The following PIK3CA variants were observed in gnomAD, a reference collection of about 807,000 sequenced individuals.
The protein encoded by PIK3CA is phosphatidylinositol 4,5-bisphosphate 3-kinase catalytic subunit alpha isoform.
PIK3CA carries 27 observed loss-of-function variants against 138.2 expected under a neutral mutation model. That is an observed-to-expected ratio of 0.20 (90% CI 0.14 to 0.27). The LOEUF is 0.27. Ranked by LOEUF, PIK3CA falls within the 10% of genes least tolerant of loss-of-function variation. The pLI, the probability that PIK3CA is intolerant of heterozygous loss-of-function variation, is 1.00. For synonymous variants in PIK3CA, 358 were observed against 413.2 expected (o/e 0.87, Z 1.62); for missense variants, 544 against 1,277.4 (o/e 0.43, Z 8.75).
chr3:179,149,450 G>C (rs1427421026), intron 1 of PIK3CA: 1 of 152,168 alleles, frequency 6.6e-6, no homozygotes, highest in Non-Finnish European at 1.5e-5. Flanking sequence ...CGTGTTACCA[G>C]ACTTGGGAAT....
chr3:179,197,544 A>G (rs771271856), intron 1 of PIK3CA, among the ~76,000 whole-genome samples: 13 of 152,362 alleles, frequency 8.5e-5, no homozygotes, highest in Admixed American at 2.0e-4. Flanking sequence ...GGCAAGGGCC[A>G]TGTCTATCTT....
chr3:179,219,489 G>A lies in PIK3CA; in HGVS notation c.1747-82G>A, dbSNP rs1322696087. ...TTTATCTAAACTAATTTTAAAATCA[G>A]AAGTTAAGGCAGTGTTTTAGATGGC... On this transcript the variant is annotated intron_variant, in intron 11 of 20. Coordinates refer to ENST00000263967, the MANE Select transcript of PIK3CA (RefSeq NM_006218.4). The surrounding 1 kb of genome is among the most constrained non-coding windows in gnomAD (Gnocchi z 4.2). 1.4e-6 allele frequency: 1 copy of A among 690,346 alleles called. No homozygotes were observed. The highest frequency in any genetic ancestry group is 2.5e-6 in the Non-Finnish European group (1 of 404,706). 42.8% of individuals were successfully genotyped at this position (690,346 alleles called of 1,614,324 possible).
intron 1 of PIK3CA, among the ~76,000 whole-genome samples, chr3:179,193,904 C>T (rs923519695): frequency 2.6e-5 from 4 of 152,076 alleles, no homozygotes; most frequent in African/African-American, 9.7e-5. Context: ...GACCTCAAAC[C>T]TCCAAGCTAC....
chr3:179,233,247 T>C, intron 20 of PIK3CA: 1 of 398,114 alleles, frequency 2.5e-6, no homozygotes. Flanking sequence ...CTTCCTCTTT[T>C]CCAATTTGGA....
At chr3:179,185,452 C>T (rs1014332953) in intron 1 of PIK3CA, among the ~76,000 whole-genome samples, 1 of 152,178 alleles carries the variant, frequency 6.6e-6, no homozygotes. Flanking sequence ...TTCTCCCCAC[C>T]AACAATCAGT....
chr3:179,148,842 G>T (rs1722927948), intron 1 of PIK3CA, among the ~76,000 whole-genome samples: 1 of 152,098 alleles, frequency 6.6e-6, no homozygotes. Context: ...TCTGGCTGCC[G>T]CCTCGCTCTT....
At chr3:179,190,480 T>C (rs1724104935) in intron 1 of PIK3CA, among the ~76,000 whole-genome samples, 1 of 152,114 alleles carries the variant, frequency 6.6e-6, no homozygotes, top group Non-Finnish European at 1.5e-5. Flanking sequence ...TCTAGAAATA[T>C]TTAAAGTAAC....
At chr3:179,197,743 A>G (rs552191514) in intron 1 of PIK3CA, among the ~76,000 whole-genome samples, 63 of 152,246 alleles carry the variant, frequency 4.1e-4, no homozygotes, top group Admixed American at 7.9e-4. Flanking sequence ...CTTATTTGGT[A>G]TCTCTCACTT....
intron 1 of PIK3CA, among the ~76,000 whole-genome samples, chr3:179,185,171 C>T (rs1399198497): frequency 6.6e-6 from 1 of 152,086 alleles, no homozygotes. Context: ...TTGAGCTATA[C>T]TAGAAAGAAA....
At chr3:179,209,365 T>C (rs1456717455) in intron 6 of PIK3CA, among the ~76,000 whole-genome samples, 1 of 152,118 alleles carries the variant, frequency 6.6e-6, no homozygotes, top group African/African-American at 2.4e-5. Context: ...TTCTTATGTA[T>C]AGTGATATCT....
intron 1 of PIK3CA, among the ~76,000 whole-genome samples, chr3:179,162,347 G>A (rs1326712901): frequency 1.3e-5 from 2 of 151,910 alleles, no homozygotes; most frequent in African/African-American, 2.4e-5. Context: ...AACACATGTT[G>A]TAGAGTCACA....
Position 179,236,497 on chromosome 3 carries a change from T to C in PIK3CA, c.*2133T>C, listed in dbSNP as rs1725335862. 1 of 219,980 alleles carries C rather than the reference T, an allele frequency of 4.5e-6. No individual in the cohort carries two copies. Among genetic ancestry groups the C allele is most frequent in the African/African-American group, 2.2e-5 (1 of 44,568 alleles). The allele number at this position is 219,980 out of a possible 1,614,324, so 13.6% of individuals were successfully genotyped here. A position where few individuals can be genotyped will look rare whatever the true frequency, so the allele number is the denominator to read the frequency against. On this transcript the variant is annotated 3_prime_UTR_variant, in exon 21 of 21. Coordinates refer to ENST00000263967, the MANE Select transcript of PIK3CA (RefSeq NM_006218.4). ...ATTATAGGAAAACTCAGTAAAATGG[T>C]ACAAATCTGAAAGTTTGATGGTAGA...
In PIK3CA at chr3:179,230,361, C is replaced by T. The variant is rs2108425337; in HGVS notation, c.2921C>T (p.Thr974Ile). The T allele has an allele frequency of 6.2e-7, 1 of 1,600,834 alleles. No individual in the cohort carries two copies. Among genetic ancestry groups the T allele is most frequent in the Non-Finnish European group, 8.5e-7 (1 of 1,176,220 alleles). The change falls in exon 20 of 21, where the codon ACA becomes ATA. Residue 974 changes from threonine to isoleucine, a missense_variant. Physicochemically the swap from Thr to Ile is moderately conservative, Grantham distance 89 (BLOSUM62 -1). Transcript: ENST00000263967. This position sits in a 1 kb window ranked among gnomAD's most constrained non-coding sequence, Gnocchi z 5.4. ...AAAGGAGCCCAAGAATGCACAAAGA[C>T]AAGAGAATTTGAGAGGTGAGCTCGA... The part of the protein sequence containing the change: ...ISKGAQECTK[T>I]REFERFQEMC...
intron 1 of PIK3CA, among the ~76,000 whole-genome samples, chr3:179,178,468 C>G (rs1723759065): frequency 6.6e-6 from 1 of 152,056 alleles, no homozygotes; most frequent in African/African-American, 2.4e-5. Context: ...TTCAAACCAT[C>G]ATGAGATACC....
At chr3:179,228,689 ACT>A (rs2108421779) in intron 17 of PIK3CA, among the ~76,000 whole-genome samples, 1 of 152,074 alleles carries the variant, frequency 6.6e-6, no homozygotes, top group East Asian at 1.9e-4. Flanking sequence ...AAAGAATTTC[ACT>A]CTTCTCACTA....
At chr3:179,195,584 G>C (rs935446426) in intron 1 of PIK3CA, among the ~76,000 whole-genome samples, 16 of 152,088 alleles carry the variant, frequency 1.1e-4, no homozygotes, top group African/African-American at 3.4e-4. Flanking sequence ...TTTGAATCTA[G>C]TGTAGATTCA....
chr3:179,212,347 A>G (rs1386218951), intron 9 of PIK3CA, among the ~76,000 whole-genome samples: 1 of 138,854 alleles, frequency 7.2e-6, no homozygotes, highest in Non-Finnish European at 1.5e-5. Context: ...TAGGTGGATC[A>G]CACCTGTAAT....
intron 1 of PIK3CA, among the ~76,000 whole-genome samples, chr3:179,160,382 C>CT (rs1450765041): frequency 1.0e-5 from 1 of 99,552 alleles, no homozygotes; most frequent in African/African-American, 5.7e-5. Flanking sequence ...GTGCCTAGGT[C>CT]TAGGTATGTT....
At chr3:179,181,354 T>G (rs527409933) in intron 1 of PIK3CA, among the ~76,000 whole-genome samples, 1 of 152,278 alleles carries the variant, frequency 6.6e-6, no homozygotes, top group South Asian at 2.1e-4. Flanking sequence ...ATTTTGCTTT[T>G]GTGGAAACTA....
Sources: gnomAD v4.1 joint callset for allele counts (sites outside exome capture counted in the v4.1 genomes callset) on GRCh38, gnomAD v4.1.1 for gene constraint, Gnocchi (gnomAD v3.1) non-coding constraint, MANE v1.5 for transcripts, NCBI Gene and HGNC (gene_info 2026-07-23, HGNC 2026-07-21) for gene names.